The following DMD variants were observed in gnomAD, a reference collection of about 807,000 sequenced individuals.
DMD encodes the protein mutant dystrophin.
A neutral mutation model predicts 330.1 loss-of-function variants in DMD; 63 were observed. The ratio of observed to expected loss-of-function variants is 0.19; its 90% CI spans 0.16 to 0.24. DMD has a LOEUF of 0.24. Ranked by LOEUF, DMD falls within the 10% of genes least tolerant of loss-of-function variation. The pLI, the probability that DMD is intolerant of heterozygous loss-of-function variation, is 1.00. For synonymous variants in DMD, 1,223 were observed against 959.8 expected, an observed-to-expected ratio of 1.27 and a Z score of -5.07; for missense variants, 3,344 against 2,684.1, an observed-to-expected ratio of 1.25 and a Z score of -5.43.
At chrX:32,723,983 G>C (rs2066602527) in intron 7 of DMD, among the ~76,000 whole-genome samples, 1 of 111,655 alleles carries the variant, frequency 9.0e-6, no homozygotes. Flanking sequence ...CATGGGCTGT[G>C]AGTTGGACAA....
At chrX:31,857,854 AT>A (rs1485896298) in intron 48 of DMD, among the ~76,000 whole-genome samples, 1 of 110,195 alleles carries the variant, frequency 9.1e-6, no homozygotes, top group African/African-American at 3.3e-5. Context: ...TATGAAATAT[AT>A]AAGGAATTTA....
chrX:31,345,057 C>A (rs1368202071), intron 61 of DMD, among the ~76,000 whole-genome samples: 6 of 111,534 alleles, frequency 5.4e-5, no homozygotes, highest in Non-Finnish European at 1.1e-4. Context: ...AGAAACAATC[C>A]ATCCTTAGTC....
intron 1 of DMD, among the ~76,000 whole-genome samples, chrX:33,292,731 C>T (rs2053530369): frequency 9.0e-6 from 1 of 110,875 alleles, no homozygotes; most frequent in Admixed American, 9.6e-5. Flanking sequence ...GGAGGAAAAA[C>T]AGATGCCAGG....
chrX:33,199,587 C>A (rs2051151360), intron 1 of DMD, among the ~76,000 whole-genome samples: 1 of 111,385 alleles, frequency 9.0e-6, no homozygotes, highest in Non-Finnish European at 1.9e-5. Context: ...TTGGAGAAAT[C>A]TAAGCTAGAG....
chrX:32,097,843 G>A (rs1230931158), intron 44 of DMD, among the ~76,000 whole-genome samples: 2 of 111,476 alleles, frequency 1.8e-5, no homozygotes, highest in African/African-American at 3.3e-5. Flanking sequence ...CTGAAGCTAG[G>A]GCTTGAACAT....
chrX:32,982,758 T>C (rs1443227972), intron 2 of DMD, among the ~76,000 whole-genome samples: 2 of 111,894 alleles, frequency 1.8e-5, no homozygotes, highest in East Asian at 2.8e-4. Context: ...CTAGAAAGGC[T>C]TATCTCTCCA....
intron 1 of DMD, among the ~76,000 whole-genome samples, chrX:33,073,474 A>T (rs1050468164): frequency 8.9e-6 from 1 of 111,732 alleles, no homozygotes; most frequent in Non-Finnish European, 1.9e-5. Flanking sequence ...TGAAGACAGG[A>T]TTCAAACCTC....
chrX:32,328,481 C>G (rs1475917022), intron 41 of DMD, among the ~76,000 whole-genome samples: 1 of 111,166 alleles, frequency 9.0e-6, no homozygotes, highest in African/African-American at 3.3e-5. Flanking sequence ...GAATGTTATT[C>G]CAGTGGATAA....
In DMD at chrX:31,778,434, C is replaced by T. The variant is rs183668158; in HGVS notation, c.7310-4242G>A. The stretch of plus-strand genomic sequence containing the variant: ...TCGACCTCTCACATTAGAGCCATTT[C>T]TGTTCAGAAAAACATTACTTAAAAT... On this transcript the variant is annotated intron_variant, in intron 50 of 78. Coordinates refer to ENST00000357033, the MANE Select transcript of DMD (RefSeq NM_004006.3). Among the ~76,000 whole-genome samples, 301 of 111,556 alleles carry T rather than the reference C, an allele frequency of 2.7e-3. 1 individual carries two copies. The highest frequency in any genetic ancestry group is 4.7e-3 in the Non-Finnish European group (252 of 53,126).
chrX:33,054,679 A>C (rs1375620311), intron 1 of DMD, among the ~76,000 whole-genome samples: 1 of 112,237 alleles, frequency 8.9e-6, no homozygotes, highest in East Asian at 2.8e-4. Context: ...TTCTGGCTGC[A>C]TGTGGAAAAC....
At chrX:32,752,269 G>A (rs367993244) in intron 7 of DMD, among the ~76,000 whole-genome samples, 9 of 111,388 alleles carry the variant, frequency 8.1e-5, no homozygotes, top group African/African-American at 1.6e-4. Context: ...CTGAAAAGCC[G>A]CAGGGGCAGA....
chrX:31,277,678 G>T (rs1410361108), intron 62 of DMD, among the ~76,000 whole-genome samples: 1 of 111,482 alleles, frequency 9.0e-6, no homozygotes, highest in Non-Finnish European at 1.9e-5. Flanking sequence ...GGGGGCCAAG[G>T]CAAAGTGGTC....
At chrX:31,569,186 GA>G (rs2075624912) in intron 55 of DMD, among the ~76,000 whole-genome samples, 1 of 93,700 alleles carries the variant, frequency 1.1e-5, no homozygotes, top group African/African-American at 4.3e-5. Context: ...TTTTCTTTCT[GA>G]AATGTCAAGA....
intron 60 of DMD, among the ~76,000 whole-genome samples, chrX:31,414,072 G>A (rs1373475908): frequency 9.0e-6 from 1 of 111,356 alleles, no homozygotes; most frequent in East Asian, 2.8e-4. Flanking sequence ...GGAGTGCAGT[G>A]GTGCAATATC....
At chrX:32,604,535 T>A (rs943408769) in intron 12 of DMD, among the ~76,000 whole-genome samples, 1 of 110,203 alleles carries the variant, frequency 9.1e-6, no homozygotes, top group East Asian at 2.8e-4. Context: ...TTCAACATAG[T>A]ACTGGAAGTC....
chrX:31,782,608 G>C (rs2149277832), intron 50 of DMD, among the ~76,000 whole-genome samples: 2 of 110,628 alleles, frequency 1.8e-5, no homozygotes, highest in African/African-American at 6.6e-5. Flanking sequence ...AAAAAAAAAT[G>C]ATTCTTATTT....
At chrX:32,365,946 G>A (rs2097853052) in intron 34 of DMD, among the ~76,000 whole-genome samples, 1 of 111,308 alleles carries the variant, frequency 9.0e-6, no homozygotes, top group Admixed American at 9.6e-5. Flanking sequence ...GCTGGAGTTT[G>A]TTGCTCACAT....
chrX:32,125,190 AG>A (rs1328885590), intron 44 of DMD, among the ~76,000 whole-genome samples: 1 of 110,997 alleles, frequency 9.0e-6, no homozygotes, highest in Non-Finnish European at 1.9e-5. Flanking sequence ...TCTGGTGGGT[AG>A]GGGGGTTACT....
chrX:32,817,848 A>T (rs2077890842), intron 5 of DMD, among the ~76,000 whole-genome samples: 1 of 112,326 alleles, frequency 8.9e-6, no homozygotes, highest in Non-Finnish European at 1.9e-5. Context: ...ATCTCATTTT[A>T]ACATACTTTT....
Sources: gnomAD v4.1 joint callset for allele counts (sites outside exome capture counted in the v4.1 genomes callset) on GRCh38, gnomAD v4.1.1 for gene constraint, MANE v1.5 for transcripts, NCBI Gene and HGNC (gene_info 2026-07-23, HGNC 2026-07-21) for gene names.